Variants in CFTR observed in about 807,000 individuals in gnomAD.
The protein encoded by CFTR is cystic fibrosis transmembrane conductance regulator.
Under a neutral mutation model 171.6 loss-of-function variants are expected in CFTR, and 181 were observed. That is an observed-to-expected ratio of 1.05 (90% CI 0.93 to 1.19). CFTR has a LOEUF of 1.19. CFTR is among the 50% of genes most tolerant of loss of function. The pLI is 0.00. For synonymous variants in CFTR, 583 were observed against 608.0 expected (o/e 0.96, Z 0.60); for missense variants, 1,968 against 1,734.7 (o/e 1.13, Z -2.39).
At chr7:117,597,780 A>G (rs1315596640) in intron 15 of CFTR, among the ~76,000 whole-genome samples, 2 of 149,924 alleles carry the variant, frequency 1.3e-5, no homozygotes, top group Non-Finnish European at 3.0e-5. Context: ...TGGTTTCTTT[A>G]CCAAGCCTCT....
chr7:117,599,652 T>C (rs1211033221), intron 15 of CFTR, among the ~76,000 whole-genome samples: 1 of 152,136 alleles, frequency 6.6e-6, no homozygotes, highest in Non-Finnish European at 1.5e-5. Flanking sequence ...GTTAACTGGC[T>C]CTCAAAATTT....
At chr7:117,495,000 G>A (rs1798215822) in intron 1 of CFTR, among the ~76,000 whole-genome samples, 1 of 152,084 alleles carries the variant, frequency 6.6e-6, no homozygotes, top group Non-Finnish European at 1.5e-5. Flanking sequence ...AAAAATGCCA[G>A]CCAGTAACCC....
chr7:117,620,728 AG>A (rs1241875072), intron 21 of CFTR, among the ~76,000 whole-genome samples: 17 of 152,206 alleles, frequency 1.1e-4, no homozygotes, highest in Non-Finnish European at 7.4e-5. Context: ...TTTTACTTCC[AG>A]GGTTTAGATA....
intron 17 of CFTR, among the ~76,000 whole-genome samples, chr7:117,605,579 G>A (rs1231418619): frequency 1.3e-5 from 2 of 152,164 alleles, no homozygotes; most frequent in South Asian, 2.1e-4. Flanking sequence ...AGAGGAGGAA[G>A]AGATTAATCC....
intron 23 of CFTR, among the ~76,000 whole-genome samples, chr7:117,651,043 C>T (rs369767707): frequency 1.7e-4 from 26 of 152,062 alleles, no homozygotes; most frequent in East Asian, 3.9e-4. Flanking sequence ...TCTTCATGTA[C>T]GTAATAGGAT....
intron 1 of CFTR, among the ~76,000 whole-genome samples, chr7:117,500,340 G>T (rs1369020228): frequency 7.2e-6 from 1 of 139,122 alleles, no homozygotes; most frequent in Non-Finnish European, 1.5e-5. Flanking sequence ...AGGCTGGAGT[G>T]CAATGGCACA....
At chr7:117,502,899 G>A (rs1696517632) in intron 1 of CFTR, among the ~76,000 whole-genome samples, 1 of 152,176 alleles carries the variant, frequency 6.6e-6, no homozygotes, top group Non-Finnish European at 1.5e-5. Flanking sequence ...AATTGATGAA[G>A]TTACTTAACC....
At chr7:117,560,765 C>T (rs1369557617) in intron 11 of CFTR, 4 of 151,916 alleles carry the variant, frequency 2.6e-5, no homozygotes, top group Non-Finnish European at 4.4e-5. Flanking sequence ...CCTCAAAAGG[C>T]CTTCTTCCAG....
At chr7:117,649,884 G>T (rs941513687) in intron 23 of CFTR, among the ~76,000 whole-genome samples, 2 of 152,090 alleles carry the variant, frequency 1.3e-5, no homozygotes, top group South Asian at 4.1e-4. Flanking sequence ...AGATACCCCT[G>T]AGGAAGTGAT....
At chr7:117,653,502 C>A (rs949008007) in intron 24 of CFTR, among the ~76,000 whole-genome samples, 1 of 152,150 alleles carries the variant, frequency 6.6e-6, no homozygotes, top group Non-Finnish European at 1.5e-5. Flanking sequence ...GTCTCTTTTA[C>A]AATGGCACTA....
chr7:117,651,334 GCAAGGCTTTTTAACTTTATATA>G (rs931752975), intron 23 of CFTR, among the ~76,000 whole-genome samples: 1 of 152,078 alleles, frequency 6.6e-6, no homozygotes, highest in Non-Finnish European at 1.5e-5. Context: ...AATTCTATTG[GCAAGGCTTTTTAACTTTATATA>G]CTAAATAAAT....
In CFTR at chr7:117,667,470, C is replaced by A; in HGVS notation, c.*362C>A. 1 of 340,416 alleles carries A rather than the reference C, an allele frequency of 2.9e-6. No homozygotes were observed. Among genetic ancestry groups the A allele is most frequent in the Non-Finnish European group, 5.7e-6 (1 of 174,308 alleles). 21.1% of individuals were successfully genotyped at this position (340,416 alleles called of 1,614,324 possible). On this transcript the variant is annotated 3_prime_UTR_variant, in exon 27 of 27. Transcript: ENST00000003084. ...GATCAGCTTATTGTCTAGTGAAACT[C>A]GTTAATTTGTAGTGTTGGAGAAGAA...
At chr7:117,566,351 C>T (rs779981288) in intron 11 of CFTR, among the ~76,000 whole-genome samples, 1 of 151,908 alleles carries the variant, frequency 6.6e-6, no homozygotes, top group Non-Finnish European at 1.5e-5. Context: ...ATGAGAATAG[C>T]TTGAACCCAG....
chr7:117,536,454 G>A (rs1045260535), intron 6 of CFTR, 94 bp from the exon 7 acceptor site: 1 of 1,252,148 alleles, frequency 8.0e-7, no homozygotes, highest in African/African-American at 1.5e-5. Context: ...TTGAATAAAA[G>A]AAATATGACT....
In CFTR at chr7:117,627,217, T is replaced by C. The variant is rs1792663479; in HGVS notation, c.3469-305T>C. 1.3e-5 allele frequency among the ~76,000 whole-genome samples: 2 copies of C among 152,150 alleles called. No homozygotes were observed. Among genetic ancestry groups the C allele is most frequent in the African/African-American group, 4.8e-5 (2 of 41,454 alleles). ...CAGCATTGTGCAGTGCTGCTCATAG[T>C]AGAAATAAATTTTCTCTTTGATGTC... On this transcript the variant is annotated intron_variant, in intron 21 of 26. Transcript: ENST00000003084.
chr7:117,627,668 C>T lies in CFTR; in HGVS notation c.3615C>T (p.Pro1205=). Residue 1205 remains proline, a synonymous_variant, in exon 22 of 27, where the codon CCC becomes CCT. Coordinates refer to ENST00000003084, the MANE Select transcript of CFTR (RefSeq NM_000492.4). The stretch of plus-strand genomic sequence containing the variant: ...ACGTGAAGAAAGATGACATCTGGCC[C>T]TCAGGGGGCCAAATGACTGTCAAAG... ...NSHVKKDDIW[P]SGGQMTVKDL... is the part of the protein sequence containing the mutation. 6.2e-7 allele frequency: 1 copy of T among 1,613,302 alleles called. No homozygotes were observed. Among genetic ancestry groups the T allele is most frequent in the Middle Eastern group, 1.7e-4 (1 of 6,054 alleles).
chr7:117,637,285 C>T (rs1022250206), intron 22 of CFTR, among the ~76,000 whole-genome samples: 9 of 149,234 alleles, frequency 6.0e-5, no homozygotes, highest in Non-Finnish European at 1.3e-4. Flanking sequence ...ACATGATGTG[C>T]TGGGTAAAAG....
chr7:117,559,730 A>G (rs542608854), intron 11 of CFTR, 75 bp downstream of exon 11: 2 of 1,005,518 alleles, frequency 2.0e-6, no homozygotes, highest in African/African-American at 3.2e-5. Context: ...ATTTGGCTCC[A>G]TATTCAATCG....
chr7:117,667,165 C>A lies in CFTR; in HGVS notation c.*57C>A. Reference sequence around the variant, plus strand: ...GCTCATGGAATTGGAGCTCGTGGGACAGTCACCTCATGGAATTGGAGCTCG... The same window carrying A: ...GCTCATGGAATTGGAGCTCGTGGGAAAGTCACCTCATGGAATTGGAGCTCG... On this transcript the variant is annotated 3_prime_UTR_variant, in exon 27 of 27. Transcript: ENST00000003084. 1 of 1,465,994 alleles carries A rather than the reference C, an allele frequency of 6.8e-7. No individual in the cohort carries two copies. Among genetic ancestry groups the A allele is most frequent in the Non-Finnish European group, 9.5e-7 (1 of 1,051,980 alleles). 90.8% of individuals were successfully genotyped at this position (1,465,994 alleles called of 1,614,324 possible). A position where few individuals can be genotyped will look rare whatever the true frequency, so the allele number is the denominator to read the frequency against.
Sources: gnomAD v4.1 joint callset for allele counts (sites outside exome capture counted in the v4.1 genomes callset) on GRCh38, gnomAD v4.1.1 for gene constraint, MANE v1.5 for transcripts, NCBI Gene and HGNC (gene_info 2026-07-23, HGNC 2026-07-21) for gene names.